ZNF385D: variants seen among roughly 807,000 people sequenced by gnomAD.
The protein encoded by ZNF385D is zinc finger protein 659.
In ZNF385D, 15 loss-of-function variants were observed where a neutral mutation model predicts 35.8. The ratio of observed to expected loss-of-function variants is 0.42; its 90% CI spans 0.28 to 0.64. The LOEUF is 0.64. ZNF385D is among the 30% of genes least tolerant of loss of function. ZNF385D has a pLI of 0.23. For synonymous variants in ZNF385D, 212 were observed against 186.8 expected (o/e 1.13, Z -1.10); for missense variants, 474 against 494.6 (o/e 0.96, Z 0.39).
Position 21,808,639 on chromosome 3 carries a change from G to A in ZNF385D, c.326-143611C>T, listed in dbSNP as rs540020671. Among the ~76,000 whole-genome samples the A allele has an allele frequency of 7.5e-4, 114 of 152,156 alleles. 6 individuals carry two copies. The highest frequency in any genetic ancestry group is 1.2e-4 in the Non-Finnish European group (8 of 68,038). On this transcript the variant is annotated intron_variant, in intron 3 of 5. Coordinates refer to the ZNF385D transcript ENST00000494108. ...TGTTGTCAATTATTCCTCTCCTGCC[G>A]GAAGGTAATGACAGCAAAGGGGCAA...
chr3:22,098,230 A>G (rs1701736012), intron 3 of ZNF385D, among the ~76,000 whole-genome samples: 1 of 152,094 alleles, frequency 6.6e-6, no homozygotes, highest in Non-Finnish European at 1.5e-5. Context: ...ATGGACAAAA[A>G]TATGTATCCA....
chr3:21,878,768 G>T (rs1224461101), intron 3 of ZNF385D, among the ~76,000 whole-genome samples: 1 of 152,186 alleles, frequency 6.6e-6, no homozygotes, highest in East Asian at 1.9e-4. Context: ...AAATATTTTA[G>T]CTGTAACACG....
At chr3:21,857,569 G>A (rs1360810361) in intron 3 of ZNF385D, among the ~76,000 whole-genome samples, 3 of 151,912 alleles carry the variant, frequency 2.0e-5, no homozygotes, top group African/African-American at 7.2e-5. Context: ...AGAGGAAGTC[G>A]TGGGACTAAA....
At chr3:22,238,033 G>A (rs977571970) in intron 2 of ZNF385D, among the ~76,000 whole-genome samples, 1 of 150,884 alleles carries the variant, frequency 6.6e-6, no homozygotes. Flanking sequence ...AAATCCAATT[G>A]TCCCAGTACC....
intron 5 of ZNF385D, among the ~76,000 whole-genome samples, chr3:21,432,790 T>A (rs1701357619): frequency 2.0e-5 from 3 of 148,656 alleles, no homozygotes; most frequent in Non-Finnish European, 3.0e-5. Context: ...CTTTCCAAAT[T>A]AAAAAAAAAA....
At chr3:21,934,006 TA>T (rs11388191) in intron 3 of ZNF385D, among the ~76,000 whole-genome samples, 15 of 150,126 alleles carry the variant, frequency 1.0e-4, no homozygotes, top group Admixed American at 2.0e-4. Flanking sequence ...CACTGGTAAT[TA>T]AAAAAAAAAT....
intron 3 of ZNF385D, among the ~76,000 whole-genome samples, chr3:21,941,576 C>T (rs1429220242): frequency 6.8e-6 from 1 of 146,212 alleles, no homozygotes; most frequent in Non-Finnish European, 1.5e-5. Context: ...CGGCTCACTG[C>T]AACCTCCGCC....
At chr3:21,930,521 C>T (rs1193907060) in intron 3 of ZNF385D, among the ~76,000 whole-genome samples, 1 of 151,992 alleles carries the variant, frequency 6.6e-6, no homozygotes, top group Non-Finnish European at 1.5e-5. Context: ...GCAAATGACT[C>T]AGAAAATCTA....
intron 3 of ZNF385D, among the ~76,000 whole-genome samples, chr3:21,925,142 A>G (rs1365803253): frequency 6.6e-6 from 1 of 152,220 alleles, no homozygotes; most frequent in East Asian, 1.9e-4. Context: ...ATAGGTATAC[A>G]TACAATTATT....
chr3:22,351,906 G>T (rs930392225), intron 2 of ZNF385D, among the ~76,000 whole-genome samples: 3 of 152,128 alleles, frequency 2.0e-5, no homozygotes, highest in Non-Finnish European at 2.9e-5. Flanking sequence ...GTGCTAACCT[G>T]AAGAGAGAGA....
At chr3:22,078,317 T>C (rs888901683) in intron 3 of ZNF385D, among the ~76,000 whole-genome samples, 2 of 152,028 alleles carry the variant, frequency 1.3e-5, no homozygotes, top group South Asian at 2.1e-4. Flanking sequence ...CTGCATCGCA[T>C]TGCAATATAA....
At chr3:21,440,510 G>A (rs1397948918) in intron 4 of ZNF385D, among the ~76,000 whole-genome samples, 2 of 152,070 alleles carry the variant, frequency 1.3e-5, no homozygotes, top group African/African-American at 2.4e-5. Flanking sequence ...AGTGTAACAT[G>A]GGATCCTGAA....
rs549274291 is a variant in ZNF385D, at chr3:21,884,419, G to A, written c.326-219391C>T. Among the ~76,000 whole-genome samples the A allele has an allele frequency of 1.6e-3, 249 of 152,034 alleles. 2 individuals are homozygous for A. The highest frequency in any genetic ancestry group is 3.1e-3 in the Non-Finnish European group (209 of 67,954). On this transcript the variant is annotated intron_variant, in intron 3 of 5. Coordinates refer to the ZNF385D transcript ENST00000494108. Reference sequence around the variant, plus strand: ...CTTTCTATCCAATATTTATCCCCTAGAATAGTTGTGTGGCCTCAACTCTGC... The same window carrying A: ...CTTTCTATCCAATATTTATCCCCTAAAATAGTTGTGTGGCCTCAACTCTGC...
Position 21,418,137 on chromosome 3 carries a change from A to G in ZNF385D, c.*3077T>C, listed in dbSNP as rs940173528. ...TTTTCCAGAGGCATTTGGCTTCTGC[A>G]ATGCATTTATATTTGTTTCAAATGA... is the stretch of plus-strand genomic sequence containing the variant. On this transcript the variant is annotated 3_prime_UTR_variant, in exon 8 of 8. Coordinates refer to ENST00000281523, the MANE Select transcript of ZNF385D (RefSeq NM_024697.3). 2 of 152,102 alleles carry G rather than the reference A, an allele frequency of 1.3e-5. No homozygotes were observed. Among genetic ancestry groups the G allele is most frequent in the Non-Finnish European group, 2.9e-5 (2 of 67,972 alleles). 9.4% of individuals were successfully genotyped at this position (152,102 alleles called of 1,614,324 possible). A position where few individuals can be genotyped will look rare whatever the true frequency, so the allele number is the denominator to read the frequency against.
rs148495133 is a variant in ZNF385D at position 21,866,250 on chromosome 3, C to T, written c.326-201222G>A. Among the ~76,000 whole-genome samples, 273 of 152,000 alleles carry T rather than the reference C, an allele frequency of 1.8e-3. 5 individuals carry two copies. Among genetic ancestry groups the T allele is most frequent in the African/African-American group, 6.3e-3 (262 of 41,508 alleles). On this transcript the variant is annotated intron_variant, in intron 3 of 5. Transcript: ENST00000494108. ...GGCAGATCATCTGAGGTCAGGAGTT[C>T]GAGACCATTCTGGCTAACATGGTGA...
rs140160221 is a variant in ZNF385D, at chr3:22,032,803, G to T, written c.325+136014C>A. On this transcript the variant is annotated intron_variant, in intron 3 of 5. Coordinates refer to the ZNF385D transcript ENST00000494108. ...GAGTACTTACTATATGCTTTGGACT[G>T]ATTTGCATGCTTTAGATGTATTAAT... is the stretch of plus-strand genomic sequence containing the variant. 5.3e-3 allele frequency among the ~76,000 whole-genome samples: 807 copies of T among 152,228 alleles called. 8 individuals are homozygous for T. Among genetic ancestry groups the T allele is most frequent in the African/African-American group, 0.018 (755 of 41,542 alleles).
chr3:22,270,546 G>C (rs920592385), intron 2 of ZNF385D, among the ~76,000 whole-genome samples: 4 of 151,826 alleles, frequency 2.6e-5, no homozygotes, highest in Admixed American at 2.0e-4. Flanking sequence ...TTAAATTGTG[G>C]TGTTAGAGTG....
intron 2 of ZNF385D, among the ~76,000 whole-genome samples, chr3:22,319,208 T>G (rs948055330): frequency 6.6e-6 from 1 of 152,136 alleles, no homozygotes; most frequent in Non-Finnish European, 1.5e-5. Context: ...AAGTCTTTCT[T>G]ATGTGTACAG....
At chr3:22,077,837 T>C (rs1419231749) in intron 3 of ZNF385D, among the ~76,000 whole-genome samples, 1 of 151,884 alleles carries the variant, frequency 6.6e-6, no homozygotes, top group African/African-American at 2.4e-5. Flanking sequence ...GTGTTAGTGA[T>C]AGGTTACTAT....
Sources: allele counts gnomAD v4.1 joint callset (sites outside exome capture counted in the v4.1 genomes callset), GRCh38; gene constraint gnomAD v4.1.1; transcripts MANE v1.5; gene names NCBI Gene and HGNC (gene_info 2026-07-23, HGNC 2026-07-21).